The following NRXN1 variants were observed in gnomAD, a reference collection of about 807,000 sequenced individuals.
NRXN1 encodes neurexin 1.
NRXN1 carries 39 observed loss-of-function variants against 150.9 expected under a neutral mutation model. The ratio of observed to expected loss-of-function variants is 0.26; its 90% CI spans 0.20 to 0.34. NRXN1 has a LOEUF of 0.34. NRXN1 is among the 10% of genes least tolerant of loss of function. NRXN1 has a pLI of 1.00. For missense variants in NRXN1, 1,815 were observed against 1,949.9 expected, an observed-to-expected ratio of 0.93 and a Z score of 1.30; for synonymous variants, 924 against 757.0, an observed-to-expected ratio of 1.22 and a Z score of -3.62.
chr2:51,023,880 C>T (rs1670012085), intron 2 of NRXN1, among the ~76,000 whole-genome samples: 1 of 152,096 alleles, frequency 6.6e-6, no homozygotes, highest in Non-Finnish European at 1.5e-5. Flanking sequence ...ATCATACTGA[C>T]ATGTTCAGTG....
intron 2 of NRXN1, among the ~76,000 whole-genome samples, chr2:51,016,085 T>A (rs1668622921): frequency 6.6e-6 from 1 of 152,100 alleles, no homozygotes; most frequent in Admixed American, 6.6e-5. Flanking sequence ...TACAACCATC[T>A]GATCTTTGAC....
chr2:50,697,977 A>G (rs1213062207), intron 5 of NRXN1, among the ~76,000 whole-genome samples: 2 of 151,520 alleles, frequency 1.3e-5, no homozygotes, highest in Non-Finnish European at 2.9e-5. Flanking sequence ...ATCTGGCTCT[A>G]AATAACAACA....
intron 10 of NRXN1, among the ~76,000 whole-genome samples, chr2:50,534,654 G>C (rs537150128): frequency 2.0e-5 from 3 of 152,090 alleles, no homozygotes; most frequent in African/African-American, 7.2e-5. Flanking sequence ...ACAAGCACCC[G>C]AATAAAAGTG....
intron 2 of NRXN1, among the ~76,000 whole-genome samples, chr2:51,006,518 A>C (rs1700744008): frequency 6.6e-6 from 1 of 151,680 alleles, no homozygotes; most frequent in South Asian, 2.1e-4. Flanking sequence ...CACGTTGTGC[A>C]CATGTACCCT....
At chr2:50,352,377 T>C (rs991392937) in intron 17 of NRXN1, among the ~76,000 whole-genome samples, 2 of 152,164 alleles carry the variant, frequency 1.3e-5, no homozygotes, top group Non-Finnish European at 2.9e-5. Context: ...ATTCTTTTCA[T>C]ATTTTCCTTA....
rs570054226 is a variant in NRXN1 at position 50,628,557 on chromosome 2, T to C, written c.833-4942A>G. 5.3e-5 allele frequency among the ~76,000 whole-genome samples: 8 copies of C among 151,856 alleles called. No homozygotes were observed. In the East Asian group the frequency reaches 1.2e-3, roughly 22 times the overall value. On this transcript the variant is annotated intron_variant, in intron 5 of 22. Transcript: ENST00000401669. Reference sequence around the variant, plus strand: ...AGAATATTATGTTTCATCTAATCATTTGCTACCTTACAATCTTTGTAAGTA... The same window carrying C: ...AGAATATTATGTTTCATCTAATCATCTGCTACCTTACAATCTTTGTAAGTA...
chr2:50,009,662 G>T (rs192961429), intron 21 of NRXN1, among the ~76,000 whole-genome samples: 11 of 152,152 alleles, frequency 7.2e-5, no homozygotes, highest in Non-Finnish European at 1.3e-4. Context: ...CGTACAAAAA[G>T]AGAGACATAT....
Position 50,241,470 on chromosome 2 carries a change from G to A in NRXN1, c.3365-4500C>T, listed in dbSNP as rs118138990. Among the ~76,000 whole-genome samples the A allele has an allele frequency of 3.8e-3, 583 of 151,796 alleles. 41 individuals are homozygous for A. The East Asian group carries it at 0.092, about 24-fold the overall frequency. On this transcript the variant is annotated intron_variant, in intron 17 of 22. Transcript: ENST00000401669. ...CCACATCAGTACCATGACTACTAATGGATTTACTGCAAATTAACCTTGACA... is the reference window on the plus strand; with the variant it reads ...CCACATCAGTACCATGACTACTAATAGATTTACTGCAAATTAACCTTGACA...
intron 18 of NRXN1, among the ~76,000 whole-genome samples, chr2:50,204,003 T>C (rs2062382083): frequency 6.6e-6 from 1 of 152,136 alleles, no homozygotes; most frequent in Non-Finnish European, 1.5e-5. Context: ...AAATATTTGT[T>C]CTCAAATATT....
Position 51,027,968 on chromosome 2 carries a change from C to T in NRXN1, c.306G>A (p.Thr102=), listed in dbSNP as rs750270342. 3.1e-6 allele frequency: 5 copies of T among 1,602,052 alleles called. No homozygotes were observed. The highest frequency in any genetic ancestry group is 1.7e-5 in the Admixed American group (1 of 59,934). The change falls in exon 2 of 23, where the codon ACG becomes ACA. Residue 102 remains threonine (T), a synonymous_variant. Coordinates refer to ENST00000401669, the MANE Select transcript of NRXN1 (RefSeq NM_001330078.2). ...CGTTAACCGGCGTGTCGGCCAGGAG[C>T]GTCGCAGGCTCAGCGCAGAAGATGG... The part of the protein sequence containing the change: ...SFSIFCAEPA[T]LLADTPVNDG...
chr2:50,587,577 A>G (rs928324405), intron 8 of NRXN1, among the ~76,000 whole-genome samples: 2 of 152,226 alleles, frequency 1.3e-5, no homozygotes, highest in African/African-American at 4.8e-5. Context: ...GGTGAAGTTA[A>G]GTGGTTCAAA....
At chr2:50,629,564 A>G (rs943326843) in intron 5 of NRXN1, among the ~76,000 whole-genome samples, 30 of 151,722 alleles carry the variant, frequency 2.0e-4, no homozygotes, top group African/African-American at 7.2e-4. Context: ...CGTGTGAAAA[A>G]TTAATTTACC....
intron 17 of NRXN1, among the ~76,000 whole-genome samples, chr2:50,289,335 G>A (rs191593655): frequency 1.3e-5 from 2 of 152,270 alleles, no homozygotes; most frequent in East Asian, 3.9e-4. Flanking sequence ...AATGAGGAGT[G>A]TGGATCTGGG....
At chr2:50,394,330 C>T (rs945581381) in intron 17 of NRXN1, among the ~76,000 whole-genome samples, 1 of 152,088 alleles carries the variant, frequency 6.6e-6, no homozygotes, top group African/African-American at 2.4e-5. Flanking sequence ...AGTCTAAAAA[C>T]AACAACAAAA....
At chr2:50,629,604 A>T (rs1252052990) in intron 5 of NRXN1, among the ~76,000 whole-genome samples, 2 of 151,670 alleles carry the variant, frequency 1.3e-5, no homozygotes, top group Non-Finnish European at 3.0e-5. Context: ...TATCAGCATA[A>T]ATACTATATT....
chr2:50,375,960 G>C (rs539413964), intron 17 of NRXN1, among the ~76,000 whole-genome samples: 1 of 151,546 alleles, frequency 6.6e-6, no homozygotes, highest in Non-Finnish European at 1.5e-5. Flanking sequence ...AAAATAGAAC[G>C]ATATAGTCTT....
chr2:50,004,434 A>C (rs545161293), intron 21 of NRXN1, among the ~76,000 whole-genome samples: 1 of 152,172 alleles, frequency 6.6e-6, no homozygotes, highest in African/African-American at 2.4e-5. Context: ...GATTTTTAAA[A>C]ATTGTTTTTG....
chr2:50,628,186 T>C (rs902124311), intron 5 of NRXN1, among the ~76,000 whole-genome samples: 6 of 151,826 alleles, frequency 4.0e-5, no homozygotes. Flanking sequence ...TAATGTGGCA[T>C]ACCCAAGGGG....
At chr2:50,906,931 A>G (rs1683775333) in intron 5 of NRXN1, among the ~76,000 whole-genome samples, 1 of 152,002 alleles carries the variant, frequency 6.6e-6, no homozygotes, top group Non-Finnish European at 1.5e-5. Flanking sequence ...GGAAATTGGA[A>G]AAGCCTCAGA....
Sources: allele counts gnomAD v4.1 joint callset (sites outside exome capture counted in the v4.1 genomes callset), GRCh38; gene constraint gnomAD v4.1.1; transcripts MANE v1.5; gene names NCBI Gene and HGNC (gene_info 2026-07-23, HGNC 2026-07-21).